The following EVI5 variants were observed in gnomAD, a reference collection of about 807,000 sequenced individuals.
EVI5 encodes ecotropic viral integration site 5 protein homolog.
A neutral mutation model predicts 112.0 loss-of-function variants in EVI5; 73 were observed. The observed-to-expected ratio is 0.65, with a 90% CI of 0.54 to 0.79. The LOEUF is 0.79. Among genes scored for constraint, EVI5 ranks in the 30% least tolerant of loss-of-function variants. The pLI, the probability that EVI5 is intolerant of heterozygous loss-of-function variation, is 0.00. For synonymous variants in EVI5, 305 were observed against 319.9 expected, an observed-to-expected ratio of 0.95 and a Z score of 0.50; for missense variants, 900 against 968.8, an observed-to-expected ratio of 0.93 and a Z score of 0.94.
intron 1 of EVI5, among the ~76,000 whole-genome samples, chr1:92,744,290 T>G (rs770894664): frequency 1.3e-5 from 2 of 152,154 alleles, no homozygotes; most frequent in Non-Finnish European, 2.9e-5. Flanking sequence ...TTGCTGTTGT[T>G]GGATGAAGCA....
At chr1:92,522,097 C>T (rs567578909) in intron 19 of EVI5, among the ~76,000 whole-genome samples, 34 of 152,274 alleles carry the variant, frequency 2.2e-4, no homozygotes, top group African/African-American at 7.0e-4. Context: ...ACTGGCTGCA[C>T]GGTATCTCAT....
intron 18 of EVI5, among the ~76,000 whole-genome samples, chr1:92,581,618 A>G (rs1671938902): frequency 6.6e-6 from 1 of 151,948 alleles, no homozygotes; most frequent in Admixed American, 6.6e-5. Context: ...TTCTTTTGTT[A>G]GCTGTCACTT....
upstream of EVI5, among the ~76,000 whole-genome samples, chr1:92,786,252 A>C (rs1461049310): frequency 6.6e-6 from 1 of 151,316 alleles, no homozygotes; most frequent in Non-Finnish European, 1.5e-5. Context: ...AAAAAAAAAA[A>C]AACCTTACTT....
At chr1:92,776,520 T>C (rs912767778) in intron 1 of EVI5, among the ~76,000 whole-genome samples, 3 of 152,186 alleles carry the variant, frequency 2.0e-5, no homozygotes, top group African/African-American at 4.8e-5. Context: ...TCTTTAGTAA[T>C]AGCTCATAAC....
At chr1:92,578,562 C>CA (rs762967624) in intron 18 of EVI5, among the ~76,000 whole-genome samples, 1 of 151,826 alleles carries the variant, frequency 6.6e-6, no homozygotes, top group Non-Finnish European at 1.5e-5. Context: ...AAACAAAATA[C>CA]AAAAAATTAG....
intron 1 of EVI5, chr1:92,749,451 T>C (rs1321233033): frequency 6.5e-6 from 1 of 154,516 alleles, no homozygotes; most frequent in Non-Finnish European, 1.4e-5. Flanking sequence ...TATACAAAGT[T>C]CAGTTTCATC....
At chr1:92,514,992 T>C (rs1028308471) in intron 19 of EVI5, among the ~76,000 whole-genome samples, 2 of 152,162 alleles carry the variant, frequency 1.3e-5, no homozygotes, top group African/African-American at 4.8e-5. Context: ...TCCTTCTGCA[T>C]GGGGGGAGTG....
At chr1:92,570,293 T>C (rs1571609499) in intron 18 of EVI5, among the ~76,000 whole-genome samples, 1 of 152,288 alleles carries the variant, frequency 6.6e-6, no homozygotes, top group East Asian at 1.9e-4. Flanking sequence ...GCTGTCCTTT[T>C]AGGTGTTTTT....
chr1:92,516,869 ACT>A (rs1659976598), intron 19 of EVI5, among the ~76,000 whole-genome samples: 1 of 134,088 alleles, frequency 7.5e-6, no homozygotes, highest in Non-Finnish European at 1.6e-5. Context: ...AACCTTTCCA[ACT>A]CTCCCTTTCC....
intron 13 of EVI5, among the ~76,000 whole-genome samples, chr1:92,649,309 C>T (rs181325162): frequency 7.6e-4 from 115 of 152,306 alleles, no homozygotes; most frequent in African/African-American, 2.6e-3. Flanking sequence ...TATTTTCTAC[C>T]ATTCTACAGG....
At chr1:92,645,443 C>A (rs1202425400) in intron 13 of EVI5, among the ~76,000 whole-genome samples, 2 of 152,158 alleles carry the variant, frequency 1.3e-5, no homozygotes, top group Non-Finnish European at 1.5e-5. Context: ...TCCTAGAAGT[C>A]CACTGTGGGG....
chr1:92,655,420 C>T (rs920838238), intron 13 of EVI5, among the ~76,000 whole-genome samples: 3 of 151,952 alleles, frequency 2.0e-5, no homozygotes, highest in African/African-American at 7.2e-5. Flanking sequence ...CTTTCCCAGA[C>T]AAGCAAATGC....
intron 1 of EVI5, among the ~76,000 whole-genome samples, chr1:92,743,411 AT>A (rs1279199360): frequency 6.6e-6 from 1 of 152,224 alleles, no homozygotes; most frequent in Non-Finnish European, 1.5e-5. Context: ...TGAGGACATT[AT>A]ACGAAGTGAA....
At chr1:92,549,689 C>T (rs1226596587) in intron 19 of EVI5, among the ~76,000 whole-genome samples, 1 of 152,064 alleles carries the variant, frequency 6.6e-6, no homozygotes, top group East Asian at 1.9e-4. Flanking sequence ...GTGGGCAAAG[C>T]ATATGAACAG....
chr1:92,630,958 TG>T (rs1656918850), intron 14 of EVI5, among the ~76,000 whole-genome samples: 1 of 152,208 alleles, frequency 6.6e-6, no homozygotes, highest in African/African-American at 2.4e-5. Context: ...TTCTCAGGTT[TG>T]TCAAAGATCA....
At chr1:92,569,539 T>C (rs1278079274) in intron 18 of EVI5, among the ~76,000 whole-genome samples, 1 of 152,068 alleles carries the variant, frequency 6.6e-6, no homozygotes, top group Non-Finnish European at 1.5e-5. Flanking sequence ...CTGCCTCTTG[T>C]TTTTAATCAC....
chr1:92,525,523 C>T (rs1235658512), intron 19 of EVI5, among the ~76,000 whole-genome samples: 1 of 151,906 alleles, frequency 6.6e-6, no homozygotes, highest in Non-Finnish European at 1.5e-5. Flanking sequence ...CCTGTCTTGG[C>T]CTCCCAAAGT....
intron 1 of EVI5, 63 bp downstream of exon 1, chr1:92,784,773 G>A (rs997740575): frequency 3.5e-5 from 34 of 968,880 alleles, no homozygotes; most frequent in Middle Eastern, 5.2e-4. Context: ...GTGCGCCAGC[G>A]GAACACGGAC....
chr1:92,660,677 CA>C (rs1473048898), intron 13 of EVI5, among the ~76,000 whole-genome samples: 1 of 151,738 alleles, frequency 6.6e-6, no homozygotes, highest in African/African-American at 2.4e-5. Flanking sequence ...CAAAAATCAT[CA>C]AAAAAGTGAA....
Sources: gnomAD v4.1 joint callset for allele counts (sites outside exome capture counted in the v4.1 genomes callset) on GRCh38, gnomAD v4.1.1 for gene constraint, MANE v1.5 for transcripts, NCBI Gene and HGNC (gene_info 2026-07-23, HGNC 2026-07-21) for gene names.